The following TECTA variants were observed in gnomAD, a reference collection of about 807,000 sequenced individuals.
The protein encoded by TECTA is alpha-tectorin.
TECTA carries 128 observed loss-of-function variants against 216.8 expected under a neutral mutation model. The observed-to-expected ratio is 0.59, with a 90% CI of 0.51 to 0.68. TECTA has a LOEUF of 0.68. Ranked by LOEUF, TECTA falls within the 30% of genes least tolerant of loss-of-function variation. The pLI is 0.00. For synonymous variants in TECTA, 1,089 were observed against 1,117.1 expected, an observed-to-expected ratio of 0.97 and a Z score of 0.50; for missense variants, 2,551 against 2,786.2, an observed-to-expected ratio of 0.92 and a Z score of 1.90.
intron 20 of TECTA, among the ~76,000 whole-genome samples, chr11:121,184,744 G>A (rs756770219): frequency 1.8e-4 from 27 of 152,206 alleles, no homozygotes; most frequent in Non-Finnish European, 3.4e-4. Flanking sequence ...ACCAGGTGTG[G>A]TGAATGGCAT....
At chr11:121,184,266 C>T (rs952545267) in intron 20 of TECTA, among the ~76,000 whole-genome samples, 11 of 152,238 alleles carry the variant, frequency 7.2e-5, no homozygotes, top group African/African-American at 2.4e-4. Context: ...TCAACACTCT[C>T]CTCTTGCTTT....
At chr11:121,106,717 C>T (rs1946393476) in intron 3 of TECTA, among the ~76,000 whole-genome samples, 1 of 152,156 alleles carries the variant, frequency 6.6e-6, no homozygotes, top group African/African-American at 2.4e-5. Context: ...GCATGTCCAC[C>T]TCTGGCCATC....
chr11:121,114,226 C>A (rs1377940551), intron 6 of TECTA, among the ~76,000 whole-genome samples: 1 of 152,182 alleles, frequency 6.6e-6, no homozygotes, highest in Non-Finnish European at 1.5e-5. Flanking sequence ...AACAAAAGTT[C>A]TCCTAAAATC....
In TECTA at chr11:121,127,854, C is replaced by G; in HGVS notation, c.1877C>G (p.Pro626Arg). The change falls in exon 9 of 24, where the codon CCG becomes CGG. Residue 626 changes from proline to arginine, a missense_variant. This residue lies in a region of TECTA where 2,375 missense variants were observed against 2,563.9 expected (regional missense o/e 0.93). Transcript: ENST00000392793. This position sits in a 1 kb window ranked among gnomAD's most constrained non-coding sequence, Gnocchi z 5.0. ...DLTASRNCAT[P>R]CTEGCECNQG... ...ACGGCCTCGCGGAACTGCGCCACGC[C>G]GTGCACAGAGGGCTGCGAGTGCAAC... is the stretch of plus-strand genomic sequence containing the variant. The G allele has an allele frequency of 6.2e-7, 1 of 1,614,092 alleles. No homozygotes were observed. Among genetic ancestry groups the G allele is most frequent in the Non-Finnish European group, 8.5e-7 (1 of 1,180,040 alleles).
chr11:121,110,042 G>A (rs1946428583), intron 4 of TECTA: 1 of 162,572 alleles, frequency 6.2e-6, no homozygotes, highest in African/African-American at 2.4e-5. Context: ...ATTCATATTT[G>A]ATGTTAATTA....
At position 121,189,782 on chromosome 11, in the gene TECTA, A is replaced by G; in HGVS notation, c.6269A>G (p.Asp2090Gly). The G allele has an allele frequency of 6.2e-7, 1 of 1,614,026 alleles. No individual in the cohort carries two copies. Among genetic ancestry groups the G allele is most frequent in the Non-Finnish European group, 8.5e-7 (1 of 1,179,976 alleles). The change falls in exon 23 of 24, where the codon GAC becomes GGC. Residue 2090 changes from aspartate (D) to glycine (G), a missense_variant. This residue lies in a region of TECTA where 118 missense variants were observed against 116.4 expected (regional missense o/e 1.01). Transcript: ENST00000392793. Reference sequence around the variant, plus strand: ...TTTGTAGGGCTGGACTGGTGTGAGGACAATGGAGGGTGTGAGCAGATTTGC... The same window carrying G: ...TTTGTAGGGCTGGACTGGTGTGAGGGCAATGGAGGGTGTGAGCAGATTTGC... ...IRRKRLDWCE[D>G]NGGCEQICTS... is the part of the protein sequence containing the mutation.
Position 121,153,142 on chromosome 11 carries a change from A to T in TECTA, c.4305+62A>T, listed in dbSNP as rs1365060707. 6.2e-5 allele frequency: 96 copies of T among 1,559,994 alleles called. No homozygotes were observed. In the East Asian group the frequency reaches 2.3e-3, roughly 37 times the overall value. On this transcript the variant is annotated intron_variant, in intron 13 of 23. Coordinates refer to ENST00000392793, the MANE Select transcript of TECTA (RefSeq NM_005422.4). ...ATGATCAGATTCCTCTCCAACTCTA[A>T]GAGGTTGGTCAGATTGACCAATTTT...
chr11:121,128,967 T>C (rs1001819992), intron 9 of TECTA, among the ~76,000 whole-genome samples: 6 of 152,188 alleles, frequency 3.9e-5, no homozygotes, highest in African/African-American at 2.4e-5. Context: ...TGAAGACACT[T>C]ACTAAAAGGG....
rs559619728 is a variant in TECTA at position 121,108,907 on chromosome 11, G to C, written c.199-304G>C. On this transcript the variant is annotated intron_variant, in intron 3 of 23. Coordinates refer to ENST00000392793, the MANE Select transcript of TECTA (RefSeq NM_005422.4). Reference sequence around the variant, plus strand: ...TGTAGTACACACATACACACACACAGAAGCACAACTCAGGAGCATTTGATA... The same window carrying C: ...TGTAGTACACACATACACACACACACAAGCACAACTCAGGAGCATTTGATA... Among the ~76,000 whole-genome samples the C allele has an allele frequency of 3.7e-3, 560 of 150,072 alleles. 2 individuals carry two copies. The highest frequency in any genetic ancestry group is 0.013 in the African/African-American group (513 of 40,584).
rs570987175 is a variant in TECTA, at chr11:121,113,446, C to T, written c.625-107C>T. On this transcript the variant is annotated intron_variant, in intron 5 of 23. Transcript: ENST00000392793. The surrounding 1 kb of genome is among the most constrained non-coding windows in gnomAD (Gnocchi z 4.2). ...TGGCCCCAGTGACTCCAGGAAAAGA[C>T]GGCTCTTGATTTTAGAGGTGCTGGA... 67 of 1,522,068 alleles carry T rather than the reference C, an allele frequency of 4.4e-5. No individual in the cohort carries two copies. Among genetic ancestry groups the T allele is most frequent in the African/African-American group, 5.5e-5 (4 of 72,926 alleles). The allele number at this position is 1,522,068 out of a possible 1,614,324, so 94.3% of individuals were successfully genotyped here.
chr11:121,111,292 G>A (rs1946439433), intron 4 of TECTA, among the ~76,000 whole-genome samples: 1 of 152,192 alleles, frequency 6.6e-6, no homozygotes, highest in Non-Finnish European at 1.5e-5. Flanking sequence ...CGTTCAAGTG[G>A]CAAGAAAAAG....
intron 21 of TECTA, among the ~76,000 whole-genome samples, chr11:121,188,651 C>A (rs1416855295): frequency 6.6e-6 from 1 of 152,242 alleles, no homozygotes; most frequent in African/African-American, 2.4e-5. Flanking sequence ...TGCACCAATA[C>A]CTGGCCCCTA....
At chr11:121,176,905 C>T (rs1294434347) in intron 20 of TECTA, among the ~76,000 whole-genome samples, 2 of 152,154 alleles carry the variant, frequency 1.3e-5, no homozygotes, top group African/African-American at 4.8e-5. Flanking sequence ...AACTTCCCTT[C>T]TTGCTTCATT....
At chr11:121,104,011 C>T (rs1001831798) in intron 2 of TECTA, among the ~76,000 whole-genome samples, 2 of 152,102 alleles carry the variant, frequency 1.3e-5, no homozygotes, top group Non-Finnish European at 2.9e-5. Context: ...CTCCTCCATG[C>T]GGTATTATGG....
intron 19 of TECTA, 46 bp from the exon 20 acceptor site, chr11:121,168,631 G>A (rs1466885345): frequency 6.2e-7 from 1 of 1,613,884 alleles, no homozygotes; most frequent in Admixed American, 1.7e-5. Flanking sequence ...TAATTGAATA[G>A]GTAACATTGT....
intron 15 of TECTA, among the ~76,000 whole-genome samples, chr11:121,160,828 C>T (rs146069041): frequency 6.6e-6 from 1 of 152,234 alleles, no homozygotes; most frequent in African/African-American, 2.4e-5. Context: ...TGTGTCCTTG[C>T]CTCTTACAAG....
chr11:121,187,694 G>T (rs768535430), intron 20 of TECTA, 138 bp from the exon 21 acceptor site: 10 of 884,446 alleles, frequency 1.1e-5, no homozygotes, highest in Admixed American at 2.0e-5. Flanking sequence ...TGCAGTCCAG[G>T]GGTCACTTTC....
intron 7 of TECTA, among the ~76,000 whole-genome samples, chr11:121,123,845 C>T (rs373014182): frequency 1.4e-4 from 21 of 152,160 alleles, no homozygotes; most frequent in African/African-American, 4.6e-4. Context: ...CTCACTCTGA[C>T]GTCATCTATT....
chr11:121,116,856 G>C (rs1487842663), intron 6 of TECTA, among the ~76,000 whole-genome samples: 1 of 152,222 alleles, frequency 6.6e-6, no homozygotes. Flanking sequence ...ATACAGCCCT[G>C]AACTAGTGCC....
Sources: gnomAD v4.1 joint callset for allele counts (sites outside exome capture counted in the v4.1 genomes callset) on GRCh38, gnomAD v4.1.1 for gene constraint, gnomAD v4.1.1 regional missense constraint, Gnocchi (gnomAD v3.1) non-coding constraint, MANE v1.5 for transcripts, NCBI Gene and HGNC (gene_info 2026-07-23, HGNC 2026-07-21) for gene names.